The following NRXN3 variants were observed in gnomAD, a reference collection of about 807,000 sequenced individuals.
NRXN3 encodes the protein neurexin III.
In NRXN3, 32 loss-of-function variants were observed where a neutral mutation model predicts 137.6. The ratio of observed to expected loss-of-function variants is 0.23; its 90% confidence interval spans 0.18 to 0.31. NRXN3 has a LOEUF of 0.31. Among genes scored for constraint, NRXN3 ranks in the 10% least tolerant of loss-of-function variants. The pLI, the probability that NRXN3 is intolerant of heterozygous loss-of-function variation, is 1.00. For missense variants in NRXN3, 1,574 were observed against 2,062.5 expected, an observed-to-expected ratio of 0.76 and a Z score of 4.59; for synonymous variants, 798 against 784.5, an observed-to-expected ratio of 1.02 and a Z score of -0.29.
intron 4 of NRXN3, among the ~76,000 whole-genome samples, chr14:78,525,687 C>A (rs935538308): frequency 6.6e-6 from 1 of 152,118 alleles, no homozygotes; most frequent in African/African-American, 2.4e-5. Flanking sequence ...ATGGGTGTAA[C>A]CTTAATCCCT....
intron 15 of NRXN3, among the ~76,000 whole-genome samples, chr14:79,424,777 C>A (rs982697598): frequency 5.9e-5 from 9 of 152,258 alleles, no homozygotes; most frequent in South Asian, 2.1e-4. Context: ...CTTCTAATTT[C>A]TCCTCCCTCC....
intron 17 of NRXN3, among the ~76,000 whole-genome samples, chr14:79,682,812 A>C (rs994486659): frequency 3.3e-5 from 5 of 152,130 alleles, no homozygotes; most frequent in Admixed American, 6.6e-5. Flanking sequence ...CTACTCCCAG[A>C]AACTGTTTTT....
intron 19 of NRXN3, among the ~76,000 whole-genome samples, chr14:79,742,069 G>A (rs750265635): frequency 5.9e-5 from 9 of 151,988 alleles, no homozygotes; most frequent in Non-Finnish European, 1.0e-4. Flanking sequence ...ATATAATTAC[G>A]GTCACTGTGC....
chr14:79,395,561 C>A (rs1356632358), intron 15 of NRXN3, among the ~76,000 whole-genome samples: 1 of 151,968 alleles, frequency 6.6e-6, no homozygotes, highest in Non-Finnish European at 1.5e-5. Context: ...GTAATCCCAG[C>A]ACTTTGGGAG....
At chr14:78,280,685 G>C (rs1489749110) in intron 3 of NRXN3, among the ~76,000 whole-genome samples, 1 of 152,140 alleles carries the variant, frequency 6.6e-6, no homozygotes, top group East Asian at 1.9e-4. Context: ...CTGACAAAAG[G>C]GGCATCTTTT....
At chr14:78,568,537 C>T (rs539739312) in intron 4 of NRXN3, among the ~76,000 whole-genome samples, 1 of 152,258 alleles carries the variant, frequency 6.6e-6, no homozygotes, top group Admixed American at 6.5e-5. Context: ...ACCAGGTATC[C>T]CAGACTTTGG....
At chr14:78,556,443 C>T (rs1188401035) in intron 4 of NRXN3, among the ~76,000 whole-genome samples, 1 of 152,152 alleles carries the variant, frequency 6.6e-6, no homozygotes, top group Non-Finnish European at 1.5e-5. Context: ...GAGAGTAGAC[C>T]TCCCTGGAGC....
intron 4 of NRXN3, among the ~76,000 whole-genome samples, chr14:78,360,138 A>C (rs2084905630): frequency 6.6e-6 from 1 of 152,040 alleles, no homozygotes; most frequent in Non-Finnish European, 1.5e-5. Flanking sequence ...AAGGCTTCTA[A>C]TTCCCTCCTG....
chr14:79,653,794 A>G (rs2098489577), intron 16 of NRXN3, among the ~76,000 whole-genome samples: 1 of 152,178 alleles, frequency 6.6e-6, no homozygotes, highest in South Asian at 2.1e-4. Flanking sequence ...GCCTGAGCCT[A>G]GTGAGAGAGA....
chr14:79,601,040 C>CTTTTTTTTT (rs36044631), intron 16 of NRXN3, among the ~76,000 whole-genome samples: 12 of 93,408 alleles, frequency 1.3e-4, no homozygotes, highest in East Asian at 3.6e-4. Context: ...TCTTTGTTGC[C>CTTTTTTTTT]TTTTTTTTTT....
intron 20 of NRXN3, among the ~76,000 whole-genome samples, chr14:79,811,581 C>CTTTTTTTTTTTTTTTTTTTTTTT (rs370942970): frequency 1.2e-4 from 14 of 116,606 alleles, no homozygotes; most frequent in East Asian, 2.4e-4. Context: ...TTTCTTTTTT[C>CTTTTTTTTTTTTTTTTTTTTTTT]TTTTTTTTTT....
intron 15 of NRXN3, among the ~76,000 whole-genome samples, chr14:79,011,429 GAAAA>G (rs759463585): frequency 4.8e-5 from 2 of 41,356 alleles, no homozygotes; most frequent in African/African-American, 8.3e-5. Context: ...GTTGGTCCAG[GAAAA>G]AAAAAAAAAA....
At chr14:79,434,319 G>T (rs1020011592) in intron 15 of NRXN3, among the ~76,000 whole-genome samples, 3 of 151,866 alleles carry the variant, frequency 2.0e-5, no homozygotes, top group African/African-American at 7.3e-5. Flanking sequence ...TGCACAATTT[G>T]GAAAAAATGA....
intron 16 of NRXN3, among the ~76,000 whole-genome samples, chr14:79,487,585 A>T (rs1209145273): frequency 6.6e-6 from 1 of 152,168 alleles, no homozygotes; most frequent in Non-Finnish European, 1.5e-5. Flanking sequence ...AAAGCAAAGC[A>T]TCTCCTCTCT....
intron 15 of NRXN3, among the ~76,000 whole-genome samples, chr14:79,364,059 G>A (rs150312131): frequency 1.3e-5 from 2 of 152,270 alleles, no homozygotes; most frequent in Admixed American, 1.3e-4. Context: ...CTCTGTGTTT[G>A]TGCTGTGGCC....
At chr14:79,559,023 C>T (rs1338740051) in intron 16 of NRXN3, among the ~76,000 whole-genome samples, 1 of 152,126 alleles carries the variant, frequency 6.6e-6, no homozygotes, top group Non-Finnish European at 1.5e-5. Context: ...TCTTCTTAGC[C>T]TTCATAGACT....
intron 8 of NRXN3, among the ~76,000 whole-genome samples, chr14:78,742,862 A>T (rs892528138): frequency 3.3e-5 from 5 of 152,210 alleles, no homozygotes; most frequent in African/African-American, 9.6e-5. Flanking sequence ...TTTAGCTATA[A>T]ATCCTTAGTT....
At chr14:78,535,143 A>AT (rs1451274965) in intron 4 of NRXN3, among the ~76,000 whole-genome samples, 1 of 151,904 alleles carries the variant, frequency 6.6e-6, no homozygotes, top group Non-Finnish European at 1.5e-5. Flanking sequence ...TTAATTGAAA[A>AT]AAAAAAAAAA....
chr14:78,711,002 G>A (rs540065521), intron 7 of NRXN3, among the ~76,000 whole-genome samples: 12 of 152,234 alleles, frequency 7.9e-5, no homozygotes, highest in South Asian at 6.2e-4. Context: ...GCTAAATCCC[G>A]CCACACCCCC....
Sources: allele counts gnomAD v4.1 joint callset (sites outside exome capture counted in the v4.1 genomes callset), GRCh38; gene constraint gnomAD v4.1.1; transcripts MANE v1.5; gene names NCBI Gene and HGNC (gene_info 2026-07-23, HGNC 2026-07-21).